Variants in PLCXD1 observed in about 807,000 individuals in gnomAD.
PLCXD1 encodes PI-PLC X domain-containing protein 1.
Under a neutral mutation model 37.8 loss-of-function variants are expected in PLCXD1, and 45 were observed. The observed-to-expected ratio is 1.19, with a 90% CI of 0.94 to 1.53. PLCXD1 has a LOEUF of 1.53. Among genes scored for constraint, PLCXD1 ranks in the 40% most tolerant of loss-of-function variants. The pLI, the probability that PLCXD1 is intolerant of heterozygous loss-of-function variation, is 0.00. For synonymous variants in PLCXD1, 246 were observed against 206.9 expected, an observed-to-expected ratio of 1.19 and a Z score of -1.62; for missense variants, 539 against 454.7, an observed-to-expected ratio of 1.19 and a Z score of -1.69.
intron 2 of PLCXD1, among the ~76,000 whole-genome samples, chrX:285,399 C>T (rs995915660): frequency 4.6e-5 from 7 of 151,910 alleles, no homozygotes; most frequent in Admixed American, 1.3e-4. Context: ...CACCTATGCA[C>T]ACATATATAC....
At chrX:281,922 A>T (rs1167129784) in intron 1 of PLCXD1, among the ~76,000 whole-genome samples, 11 of 151,682 alleles carry the variant, frequency 7.3e-5, no homozygotes, top group African/African-American at 2.4e-4. Context: ...TACTTTTTGT[A>T]CTTTTAGTAG....
chrX:291,748 C>CATG, intron 5 of PLCXD1, 94 bp downstream of exon 5: 1 of 1,351,612 alleles, frequency 7.4e-7, no homozygotes, highest in South Asian at 1.2e-5. Context: ...TGGGTGCTGC[C>CATG]ATGATTCCTG....
At chrX:287,717 T>C (rs924079227) in intron 2 of PLCXD1, among the ~76,000 whole-genome samples, 31 of 146,430 alleles carry the variant, frequency 2.1e-4, no homozygotes, top group Non-Finnish European at 3.0e-5. Flanking sequence ...TGTTTATATA[T>C]AGATATATGT....
At chrX:293,260 C>A (rs936264622) in intron 6 of PLCXD1, 42 bp downstream of exon 6, 45 of 1,495,136 alleles carry the variant, frequency 3.0e-5, no homozygotes, top group Middle Eastern at 2.4e-4. Context: ...CACACAGCCT[C>A]CCGTGACGCC....
Position 302,879 on chromosome X carries a change from C to G in PLCXD1, c.*3544C>G, listed in dbSNP as rs1409934321. The G allele has an allele frequency of 2.6e-5, 4 of 152,246 alleles. No homozygotes were observed. The East Asian group carries it at 7.7e-4, about 29-fold the overall frequency. The allele number at this position is 152,246 out of a possible 1,614,324, so 9.4% of individuals were successfully genotyped here. On this transcript the variant is annotated 3_prime_UTR_variant, in exon 7 of 7. Transcript: ENST00000381657. Reference sequence around the variant, plus strand: ...GTGAGCCACCGCGCCCGGCCTATACCTCATTTTCTACATGTCGCTTGTTGG... The same window carrying G: ...GTGAGCCACCGCGCCCGGCCTATACGTCATTTTCTACATGTCGCTTGTTGG...
At chrX:287,811 G>C (rs1249196650) in intron 2 of PLCXD1, among the ~76,000 whole-genome samples, 1 of 151,370 alleles carries the variant, frequency 6.6e-6, no homozygotes, top group Non-Finnish European at 1.5e-5. Flanking sequence ...GTCATAGGCA[G>C]GAAATGCAAA....
At chrX:282,079 A>G (rs1402038743) in intron 1 of PLCXD1, among the ~76,000 whole-genome samples, 1 of 152,166 alleles carries the variant, frequency 6.6e-6, no homozygotes, top group African/African-American at 2.4e-5. Flanking sequence ...AGGAGGCCTC[A>G]GGTCCACCAG....
chrX:281,341 G>A (rs1176397425), upstream of PLCXD1: 18 of 157,262 alleles, frequency 1.1e-4, no homozygotes, highest in East Asian at 3.3e-3. Context: ...GGGCCCAGCA[G>A]GCTCCCGGGA....
At chrX:284,431 G>A (rs2069379255) in intron 2 of PLCXD1, 117 bp downstream of exon 2, 1 of 1,166,046 alleles carries the variant, frequency 8.6e-7, no homozygotes, top group South Asian at 1.4e-5. Flanking sequence ...GCAATCCTGG[G>A]TGTAGGGAAA....
upstream of PLCXD1, among the ~76,000 whole-genome samples, chrX:278,385 G>C (rs780766498): frequency 6.6e-6 from 1 of 152,244 alleles, no homozygotes; most frequent in African/African-American, 2.4e-5. Flanking sequence ...AGGAGACACT[G>C]ATTTCCTCGA....
At chrX:282,942 ATATT>A (rs1406801474) in intron 1 of PLCXD1, among the ~76,000 whole-genome samples, 8 of 117,352 alleles carry the variant, frequency 6.8e-5, no homozygotes, top group Non-Finnish European at 1.2e-4. Context: ...TGTTATATAT[ATATT>A]ATATATATAT....
intron 6 of PLCXD1, among the ~76,000 whole-genome samples, chrX:293,598 TAAG>T (rs1459537360): frequency 6.6e-6 from 1 of 152,034 alleles, no homozygotes; most frequent in East Asian, 1.9e-4. Flanking sequence ...TGTCTCTACT[TAAG>T]AAGCACCCAG....
chrX:279,959 C>T (rs2069227869), upstream of PLCXD1, among the ~76,000 whole-genome samples: 1 of 152,106 alleles, frequency 6.6e-6, no homozygotes, highest in African/African-American at 2.4e-5. Flanking sequence ...AAGCGATTCT[C>T]CTGCCTCAGC....
intron 2 of PLCXD1, among the ~76,000 whole-genome samples, chrX:285,265 C>T (rs765132283): frequency 6.6e-6 from 1 of 152,260 alleles, no homozygotes; most frequent in South Asian, 2.1e-4. Context: ...CACATGTATA[C>T]ATGCACATAG....
Position 300,633 on chromosome X carries a change from T to C in PLCXD1, c.*1298T>C, listed in dbSNP as rs1347198244. 1 of 152,146 alleles carries C rather than the reference T, an allele frequency of 6.6e-6. No homozygotes were observed. Among genetic ancestry groups the C allele is most frequent in the Non-Finnish European group, 1.5e-5 (1 of 68,044 alleles). 9.4% of individuals were successfully genotyped at this position (152,146 alleles called of 1,614,324 possible). The stretch of plus-strand genomic sequence containing the variant: ...ATGCGTGTATACGTGTATGTATACA[T>C]GTATATGTGTGTATGCGTGTATATA... On this transcript the variant is annotated 3_prime_UTR_variant, in exon 7 of 7. Coordinates refer to ENST00000381657, the MANE Select transcript of PLCXD1 (RefSeq NM_018390.4).
At chrX:287,234 T>C (rs1181629175) in intron 2 of PLCXD1, among the ~76,000 whole-genome samples, 1 of 142,516 alleles carries the variant, frequency 7.0e-6, no homozygotes, top group South Asian at 2.1e-4. Flanking sequence ...TTTATATTTA[T>C]ATATAATATA....
intron 2 of PLCXD1, among the ~76,000 whole-genome samples, chrX:288,000 C>G (rs1460652703): frequency 6.6e-6 from 1 of 152,124 alleles, no homozygotes; most frequent in East Asian, 1.9e-4. Flanking sequence ...AGGGGAGGGT[C>G]CTTCCTGCCT....
chrX:278,051 C>G (rs28677007), upstream of PLCXD1, among the ~76,000 whole-genome samples: 29,232 of 54,842 alleles, frequency 0.53, 9,633 homozygotes, highest in East Asian at 0.68. Context: ...GGGATAGGAG[C>G]GGACACCCCT....
At chrX:282,414 C>A (rs1159623382) in intron 1 of PLCXD1, among the ~76,000 whole-genome samples, 1 of 149,864 alleles carries the variant, frequency 6.7e-6, no homozygotes. Flanking sequence ...AAAAAAAAAC[C>A]GTACATACAG....
Sources: allele counts gnomAD v4.1 joint callset (sites outside exome capture counted in the v4.1 genomes callset), GRCh38; gene constraint gnomAD v4.1.1; transcripts MANE v1.5; gene names NCBI Gene and HGNC (gene_info 2026-07-23, HGNC 2026-07-21).